The following TFB2M variants were observed in gnomAD, a reference collection of about 807,000 sequenced individuals.
The protein encoded by TFB2M is dimethyladenosine transferase 2, mitochondrial.
TFB2M carries 44 observed loss-of-function variants against 41.3 expected under a neutral mutation model. The ratio of observed to expected loss-of-function variants is 1.07; its 90% confidence interval spans 0.84 to 1.37. The LOEUF (loss-of-function observed/expected upper bound fraction) is 1.37. TFB2M is among the 40% of genes most tolerant of loss of function. The pLI is 0.00. For synonymous variants in TFB2M, 188 were observed against 176.8 expected, an observed-to-expected ratio of 1.06 and a Z score of -0.50; for missense variants, 496 against 490.2, an observed-to-expected ratio of 1.01 and a Z score of -0.11.
chr1:246,563,827 A>G (rs1042265759), intron 2 of TFB2M, among the ~76,000 whole-genome samples: 1 of 152,262 alleles, frequency 6.6e-6, no homozygotes, highest in African/African-American at 2.4e-5. Flanking sequence ...CCCATCCCCA[A>G]GATATCTCAT....
chr1:246,541,261 C>T (rs764243), intron 7 of TFB2M, 59 bp from the exon 8 acceptor site: 364,498 of 1,521,266 alleles, frequency 0.24, 47,781 homozygotes, highest in Middle Eastern at 0.31. Context: ...TATCAGTTCA[C>T]GGTGACAGAA....
chr1:246,544,450 A>C lies in TFB2M; in HGVS notation c.1019+71T>G. On this transcript the variant is annotated intron_variant, in intron 7 of 7. Coordinates refer to ENST00000366514, the MANE Select transcript of TFB2M (RefSeq NM_022366.3). The stretch of plus-strand genomic sequence containing the variant: ...ACTCTGTCAATCAAGATATAAAAAT[A>C]GATCTCTAGCATGAAAGAATAATTT... 1.5e-5 allele frequency: 20 copies of C among 1,356,404 alleles called. 3 individuals carry two copies. The South Asian group carries it at 2.7e-4, about 18-fold the overall frequency. The allele number at this position is 1,356,404 out of a possible 1,614,324, so 84.0% of individuals were successfully genotyped here.
At chr1:246,546,051 C>T (rs1242523639) in intron 6 of TFB2M, among the ~76,000 whole-genome samples, 1 of 152,022 alleles carries the variant, frequency 6.6e-6, no homozygotes, top group African/African-American at 2.4e-5. Context: ...CCGGGTTGCT[C>T]ACACCTACAA....
Position 246,565,894 on chromosome 1 carries a change from T to C in TFB2M, c.245A>G (p.Glu82Gly). 6.2e-7 allele frequency: 1 copy of C among 1,613,256 alleles called. No homozygotes were observed. The highest frequency in any genetic ancestry group is 8.5e-7 in the Non-Finnish European group (1 of 1,179,204). The change falls in exon 1 of 8, where the codon GAG becomes GGG. Residue 82 changes from glutamate to glycine, a missense_variant. Coordinates refer to ENST00000366514, the MANE Select transcript of TFB2M (RefSeq NM_022366.3). ...KRYVTDRRLA[E>G]TLAQIYLGKP... ...TCCCAAATAGATTTGCGCCAGGGTCTCAGCCAATCTCCGATCGGTTACGTA... is the reference window on the plus strand; with the variant it reads ...TCCCAAATAGATTTGCGCCAGGGTCCCAGCCAATCTCCGATCGGTTACGTA...
At chr1:246,550,606 A>G (rs1314101848) in intron 5 of TFB2M, among the ~76,000 whole-genome samples, 2 of 152,348 alleles carry the variant, frequency 1.3e-5, no homozygotes, top group Non-Finnish European at 2.9e-5. Context: ...AGCCAGGGCC[A>G]GGCGCAGTGG....
At chr1:246,562,100 G>A (rs970728876) in intron 2 of TFB2M, among the ~76,000 whole-genome samples, 2 of 152,098 alleles carry the variant, frequency 1.3e-5, no homozygotes, top group African/African-American at 4.8e-5. Flanking sequence ...TTTCAAAACA[G>A]TAAGTGGTAG....
Position 246,545,812 on chromosome 1 carries a change from G to GAAA in TFB2M, c.859-1134_859-1132dup, listed in dbSNP as rs869274564. Among the ~76,000 whole-genome samples the GAAA allele has an allele frequency of 1.6e-3, 86 of 52,604 alleles. 4 individuals carry two copies. Among genetic ancestry groups the GAAA allele is most frequent in the Non-Finnish European group, 2.5e-3 (69 of 27,128 alleles). The allele number at this position is 52,604 out of a possible 152,430, so 34.5% of individuals were successfully genotyped here. ...GGGTGACAGAGCAAGACCCTGATTC[G>GAAA]AAAAAAAAAAAAAAAAAAAAAAGAC... On this transcript the variant is annotated intron_variant, in intron 6 of 7. Transcript: ENST00000366514.
chr1:246,564,622 C>T (rs148943434), intron 1 of TFB2M, among the ~76,000 whole-genome samples, 188 bp from the exon 2 acceptor site: 263 of 151,938 alleles, frequency 1.7e-3, no homozygotes, highest in African/African-American at 5.9e-3. Flanking sequence ...TTGACTCCAG[C>T]GTCAAAAGTG....
At chr1:246,559,532 G>C (rs1659404864) in intron 2 of TFB2M, among the ~76,000 whole-genome samples, 2 of 152,214 alleles carry the variant, frequency 1.3e-5, no homozygotes, top group African/African-American at 4.8e-5. Context: ...CAGGGTGACA[G>C]AGTGAGACTC....
chr1:246,548,457 A>C, intron 6 of TFB2M, 88 bp downstream of exon 6: 1 of 1,113,396 alleles, frequency 9.0e-7, no homozygotes, highest in Middle Eastern at 2.3e-4. Context: ...TAAAAAGTTA[A>C]ATACAGACTA....
chr1:246,551,679 G>T (rs1191248971), intron 4 of TFB2M, among the ~76,000 whole-genome samples: 2 of 148,256 alleles, frequency 1.3e-5, no homozygotes, highest in Admixed American at 1.4e-4. Flanking sequence ...AACATAGTGA[G>T]ACCGCATCTC....
At chr1:246,545,764 A>G (rs935022548) in intron 6 of TFB2M, among the ~76,000 whole-genome samples, 8 of 138,494 alleles carry the variant, frequency 5.8e-5, no homozygotes, top group Non-Finnish European at 1.1e-4. Flanking sequence ...GTGAGCCGAG[A>G]TTACGCCATT....
chr1:246,555,662 C>G (rs1427215095), intron 4 of TFB2M, among the ~76,000 whole-genome samples: 3 of 152,178 alleles, frequency 2.0e-5, no homozygotes, highest in Non-Finnish European at 4.4e-5. Flanking sequence ...CTACTTCTAG[C>G]TGTACACTCA....
At chr1:246,546,312 T>TAAAAAAAGAAAAAA (rs57261732) in intron 6 of TFB2M, among the ~76,000 whole-genome samples, 82,585 of 138,688 alleles carry the variant, frequency 0.6, 26,289 homozygotes, top group Middle Eastern at 0.74. Context: ...CACTGTCTTT[T>TAAAAAAAGAAAAAA]AAAAAAAGAA....
At chr1:246,559,270 C>T (rs901606283) in intron 2 of TFB2M, among the ~76,000 whole-genome samples, 8 of 151,992 alleles carry the variant, frequency 5.3e-5, no homozygotes, top group African/African-American at 1.7e-4. Flanking sequence ...AAATTTTGGC[C>T]GGGTGCAGTG....
intron 4 of TFB2M, among the ~76,000 whole-genome samples, chr1:246,555,557 G>A (rs1272225761): frequency 1.3e-5 from 2 of 151,966 alleles, no homozygotes. Context: ...GGGCAACAGG[G>A]CAAGACCCTG....
At chr1:246,547,922 T>C (rs958995032) in intron 6 of TFB2M, among the ~76,000 whole-genome samples, 4 of 150,634 alleles carry the variant, frequency 2.7e-5, no homozygotes, top group Admixed American at 6.8e-5. Context: ...AATTCAACCA[T>C]GTAATAAGAG....
rs1238559141 is a variant in TFB2M at position 246,541,055 on chromosome 1, A to G, written c.1167T>C (p.Tyr389=). 1.9e-6 allele frequency: 3 copies of G among 1,613,158 alleles called. No individual in the cohort carries two copies. The African/African-American group carries it at 4.0e-5, about 22-fold the overall frequency. ...GCTACCTATCTTCCAGGGTTTCATC[A>G]TACAGCCATTTATAAGCACAATCTT... is the stretch of plus-strand genomic sequence containing the variant. ...RSKDCAYKWL[Y]DETLEDR Residue 389 remains tyrosine (Y), a synonymous_variant, in exon 8 of 8, where the codon TAT becomes TAC. Transcript: ENST00000366514.
chr1:246,554,234 C>T (rs1659260584), intron 4 of TFB2M, among the ~76,000 whole-genome samples: 1 of 152,162 alleles, frequency 6.6e-6, no homozygotes, highest in African/African-American at 2.4e-5. Flanking sequence ...GAAGAAAACA[C>T]AAGGAAACCT....
Sources: allele counts gnomAD v4.1 joint callset (sites outside exome capture counted in the v4.1 genomes callset), GRCh38; gene constraint gnomAD v4.1.1; transcripts MANE v1.5; gene names NCBI Gene and HGNC (gene_info 2026-07-23, HGNC 2026-07-21).